FBXO32: variants seen among roughly 807,000 people sequenced by gnomAD.
The protein encoded by FBXO32 is F-box protein 32, also known as F-box only protein 32.
In FBXO32, 15 loss-of-function variants were observed where a neutral mutation model predicts 48.3. That is an observed-to-expected ratio of 0.31 (90% CI 0.21 to 0.48). FBXO32 has a LOEUF of 0.48. FBXO32 is among the 20% of genes least tolerant of loss of function. The pLI, the probability that FBXO32 is intolerant of heterozygous loss-of-function variation, is 0.99. For missense variants in FBXO32, 309 were observed against 432.7 expected (o/e 0.71, Z 2.54); for synonymous variants, 154 against 165.9 (o/e 0.93, Z 0.55).
In FBXO32 at chr8:123,540,761, T is replaced by C. The variant is rs1264938784; in HGVS notation, c.116+138A>G. The C allele has an allele frequency of 2.1e-5, 14 of 668,842 alleles. No individual in the cohort carries two copies. Among genetic ancestry groups the C allele is most frequent in the Non-Finnish European group, 3.6e-5 (14 of 388,478 alleles). 41.4% of individuals were successfully genotyped at this position (668,842 alleles called of 1,614,324 possible). A position where few individuals can be genotyped will look rare whatever the true frequency, so the allele number is the denominator to read the frequency against. Reference sequence around the variant, plus strand: ...AGACCTCTGCAGAAATCGGGCCCCGTAGTCCCACCCTCCGGGTCAGGGTCT... The same window carrying C: ...AGACCTCTGCAGAAATCGGGCCCCGCAGTCCCACCCTCCGGGTCAGGGTCT... On this transcript the variant is annotated intron_variant, in intron 1 of 8. Transcript: ENST00000517956. This position sits in a 1 kb window ranked among gnomAD's most constrained non-coding sequence, Gnocchi z 6.4.
rs375843205 is a variant in FBXO32 at position 123,525,499 on chromosome 8, G to C, written c.372+6399C>G. Among the ~76,000 whole-genome samples, 191 of 152,270 alleles carry C rather than the reference G, an allele frequency of 1.3e-3. 1 individual carries two copies. The highest frequency in any genetic ancestry group is 4.4e-3 in the African/African-American group (184 of 41,552). On this transcript the variant is annotated intron_variant, in intron 4 of 8. Transcript: ENST00000517956. The surrounding 1 kb of genome is among the most constrained non-coding windows in gnomAD (Gnocchi z 4.3). ...GAGTAATCAGATCAAAGGTCATTCT[G>C]GCATTAAGAACCTCTCCTGCGATAT...
At chr8:123,504,374 G>A (rs1816566729) in intron 8 of FBXO32, among the ~76,000 whole-genome samples, 1 of 152,130 alleles carries the variant, frequency 6.6e-6, no homozygotes. Flanking sequence ...ATTTAAGGGG[G>A]AGTGGGTGGA....
At chr8:123,521,627 G>C (rs986548125) in intron 4 of FBXO32, among the ~76,000 whole-genome samples, 1 of 152,076 alleles carries the variant, frequency 6.6e-6, no homozygotes, top group Non-Finnish European at 1.5e-5. Flanking sequence ...AAACCACAAG[G>C]CTGCTGCCTA....
At chr8:123,521,180 C>T (rs756650157) in intron 4 of FBXO32, among the ~76,000 whole-genome samples, 17 of 152,224 alleles carry the variant, frequency 1.1e-4, no homozygotes, top group Non-Finnish European at 2.1e-4. Context: ...GGATGGAACC[C>T]TCAAGACAGC....
At chr8:123,528,331 G>C (rs1817130847) in intron 4 of FBXO32, among the ~76,000 whole-genome samples, 1 of 152,190 alleles carries the variant, frequency 6.6e-6, no homozygotes, top group Non-Finnish European at 1.5e-5. Context: ...TCTGTGGCCT[G>C]GTTAGTCAGC....
rs1037220124 is a variant in FBXO32 at position 123,513,780 on chromosome 8, C to G, written c.467-398G>C. The stretch of plus-strand genomic sequence containing the variant: ...GTTCTAATCCTGTCTGGCTGACTCT[C>G]TGTGTGATTATGGACAAATCACTTC... On this transcript the variant is annotated intron_variant, in intron 5 of 8. Transcript: ENST00000517956. The surrounding 1 kb of genome is among the most constrained non-coding windows in gnomAD (Gnocchi z 4.3). Among the ~76,000 whole-genome samples, 11 of 152,182 alleles carry G rather than the reference C, an allele frequency of 7.2e-5. No individual in the cohort carries two copies. Among genetic ancestry groups the G allele is most frequent in the African/African-American group, 2.2e-4 (9 of 41,440 alleles).
chr8:123,529,084 T>C (rs530689141), intron 4 of FBXO32, among the ~76,000 whole-genome samples: 1 of 152,356 alleles, frequency 6.6e-6, no homozygotes, highest in Admixed American at 6.5e-5. Context: ...AAAAATAACA[T>C]ATTATTCCTC....
Position 123,541,033 on chromosome 8 carries a change from G to T in FBXO32, c.-19C>A. ...ATGGCATGGCACCGCGAGCGGACTA[G>T]ACGGATGGGGAGACGGGGCCGGCCT... On this transcript the variant is annotated 5_prime_UTR_variant, in exon 1 of 9. Transcript: ENST00000517956. 1 of 1,546,700 alleles carries T rather than the reference G, an allele frequency of 6.5e-7. No homozygotes were observed. Among genetic ancestry groups the T allele is most frequent in the East Asian group, 2.4e-5 (1 of 41,298 alleles).
chr8:123,524,143 G>C (rs375405432), intron 4 of FBXO32, among the ~76,000 whole-genome samples: 21 of 152,248 alleles, frequency 1.4e-4, no homozygotes, highest in African/African-American at 5.1e-4. Context: ...CCTAATTTCT[G>C]TGGGTACCCT....
chr8:123,514,412 G>T, intron 4 of FBXO32, 79 bp from the exon 5 acceptor site: 1 of 1,092,452 alleles, frequency 9.2e-7, no homozygotes. Flanking sequence ...TGAGTCCCAT[G>T]ACACGTGGAT....
At position 123,513,243 on chromosome 8, in the gene FBXO32, C is replaced by T. The variant is rs3739287; in HGVS notation, c.606G>A (p.Thr202=). ...TCAGCTGCTGCTGCCAGTGGAGAAT[C>T]GTCTCCATCCGATACACCCACATGT... The part of the protein sequence containing the change: ...NINMWVYRME[T]ILHWQQQLNN... Residue 202 remains threonine (T), a synonymous_variant, in exon 6 of 9, where the codon ACG becomes ACA. Transcript: ENST00000517956. The surrounding 1 kb of genome is among the most constrained non-coding windows in gnomAD (Gnocchi z 4.3). 0.11 allele frequency: 176,862 copies of T among 1,613,960 alleles called. 12,624 individuals are homozygous for T. Among genetic ancestry groups the T allele is most frequent in the East Asian group, 0.42 (18,811 of 44,858 alleles).
intron 4 of FBXO32, among the ~76,000 whole-genome samples, chr8:123,519,218 C>T (rs576428379): frequency 9.2e-5 from 14 of 152,196 alleles, no homozygotes; most frequent in African/African-American, 3.4e-4. Flanking sequence ...GGAGCAATAC[C>T]ATTTATTGTT....
intron 1 of FBXO32, among the ~76,000 whole-genome samples, chr8:123,535,904 A>AT (rs1424185143): frequency 2.0e-5 from 3 of 150,972 alleles, no homozygotes; most frequent in African/African-American, 7.3e-5. Context: ...TTTAAAATGT[A>AT]ACTTGATTTA....
intron 4 of FBXO32, among the ~76,000 whole-genome samples, chr8:123,515,905 T>C (rs1816830120): frequency 6.6e-6 from 1 of 152,148 alleles, no homozygotes; most frequent in Non-Finnish European, 1.5e-5. Flanking sequence ...GGCAGGAGAA[T>C]TGCTTGAAGC....
intron 1 of FBXO32, among the ~76,000 whole-genome samples, chr8:123,536,256 G>A (rs1162200952): frequency 6.6e-6 from 1 of 152,028 alleles, no homozygotes; most frequent in African/African-American, 2.4e-5. Context: ...TTTTCATTCA[G>A]GGAAACAGGA....
chr8:123,538,635 T>C (rs1311243729), intron 1 of FBXO32, among the ~76,000 whole-genome samples: 1 of 152,074 alleles, frequency 6.6e-6, no homozygotes, highest in Non-Finnish European at 1.5e-5. Flanking sequence ...TTGTTTACAG[T>C]TGCTGGAAAA....
chr8:123,506,743 T>C lies in FBXO32; in HGVS notation c.652-169A>G, dbSNP rs1305010262. The C allele has an allele frequency of 1.6e-6, 1 of 613,582 alleles. No homozygotes were observed. Among genetic ancestry groups the C allele is most frequent in the Non-Finnish European group, 2.9e-6 (1 of 342,782 alleles). 38.0% of individuals were successfully genotyped at this position (613,582 alleles called of 1,614,324 possible). On this transcript the variant is annotated intron_variant, in intron 6 of 8. Transcript: ENST00000517956. This position sits in a 1 kb window ranked among gnomAD's most constrained non-coding sequence, Gnocchi z 4.0. ...CATCCTAAATGCAGACAGGAGACCA[T>C]GGCCATGACCCTCAATGAAGTGTGG...
chr8:123,518,275 T>C (rs1179115038), intron 4 of FBXO32, among the ~76,000 whole-genome samples: 1 of 152,228 alleles, frequency 6.6e-6, no homozygotes, highest in Admixed American at 6.5e-5. Context: ...CTCATAACTG[T>C]GCCTGCTACA....
intron 6 of FBXO32, among the ~76,000 whole-genome samples, chr8:123,507,436 A>AGGGTGT: frequency 9.6e-6 from 1 of 104,308 alleles, no homozygotes; most frequent in South Asian, 4.2e-4. Context: ...ACTCTGTGCT[A>AGGGTGT]GGGTGTGTGT....
Sources: gnomAD v4.1 joint callset for allele counts (sites outside exome capture counted in the v4.1 genomes callset) on GRCh38, gnomAD v4.1.1 for gene constraint, Gnocchi (gnomAD v3.1) non-coding constraint, MANE v1.5 for transcripts, NCBI Gene and HGNC (gene_info 2026-07-23, HGNC 2026-07-21) for gene names.